ADAP2: variants seen among roughly 807,000 people sequenced by gnomAD.
ADAP2 encodes ArfGAP with dual PH domains 2, also known as arf-GAP with dual PH domain-containing protein 2.
ADAP2 carries 42 observed loss-of-function variants against 54.9 expected under a neutral mutation model. The ratio of observed to expected loss-of-function variants is 0.77; its 90% CI spans 0.60 to 0.99. The LOEUF (loss-of-function observed/expected upper bound fraction) is 0.99, where lower values mean the gene tolerates loss of function less well. Ranked by LOEUF, ADAP2 falls within the 50% of genes least tolerant of loss-of-function variation. The pLI, the probability that ADAP2 is intolerant of heterozygous loss-of-function variation, is 0.00. For missense variants in ADAP2, 429 were observed against 480.4 expected (o/e 0.89, Z 1.00); for synonymous variants, 177 against 180.1 (o/e 0.98, Z 0.14).
intron 1 of ADAP2, among the ~76,000 whole-genome samples, 153 bp downstream of exon 1, chr17:30,922,261 C>G (rs999637554): frequency 7.5e-6 from 1 of 133,362 alleles, no homozygotes; most frequent in East Asian, 2.5e-4. Context: ...ACACCGTGAA[C>G]CTCTCACCCG....
At chr17:30,953,148 A>G (rs2142590693) in intron 7 of ADAP2, 140 bp from the exon 8 acceptor site, 7 of 699,832 alleles carry the variant, frequency 1.0e-5, no homozygotes, top group African/African-American at 3.6e-5. Flanking sequence ...TGACCATTGC[A>G]CTTTCCAAAT....
chr17:30,938,192 G>T (rs1204770493), intron 5 of ADAP2, among the ~76,000 whole-genome samples: 1 of 152,208 alleles, frequency 6.6e-6, no homozygotes, highest in Non-Finnish European at 1.5e-5. Flanking sequence ...CGGCTGTTCT[G>T]GTGTACTCCA....
chr17:30,929,148 C>T (rs550227651), intron 3 of ADAP2, among the ~76,000 whole-genome samples: 8 of 152,324 alleles, frequency 5.3e-5, no homozygotes, highest in African/African-American at 1.9e-4. Flanking sequence ...TGTGACCTAG[C>T]TGGGAGGACG....
At chr17:30,941,788 G>A (rs1330484424) in intron 5 of ADAP2, among the ~76,000 whole-genome samples, 1 of 152,162 alleles carries the variant, frequency 6.6e-6, no homozygotes, top group Non-Finnish European at 1.5e-5. Context: ...GTTGGAATGG[G>A]GTAGAGATTC....
chr17:30,954,639 A>G, intron 9 of ADAP2, 84 bp downstream of exon 9: 1 of 1,165,364 alleles, frequency 8.6e-7, no homozygotes, highest in Non-Finnish European at 1.3e-6. Flanking sequence ...AAAGCTACAG[A>G]TAAACACATC....
intron 1 of ADAP2, 124 bp from the exon 2 acceptor site, chr17:30,922,816 G>C: frequency 1.7e-6 from 2 of 1,150,292 alleles, no homozygotes; most frequent in Non-Finnish European, 2.5e-6. Flanking sequence ...AAGGTGCCAG[G>C]CTGGCCGCTT....
chr17:30,932,736 A>T (rs1911589913), intron 4 of ADAP2, among the ~76,000 whole-genome samples: 1 of 148,072 alleles, frequency 6.8e-6, no homozygotes, highest in Non-Finnish European at 1.5e-5. Flanking sequence ...TGCTTGGCTA[A>T]TTTTTGTATT....
At chr17:30,929,854 G>A (rs1225502269) in intron 3 of ADAP2, among the ~76,000 whole-genome samples, 1 of 151,986 alleles carries the variant, frequency 6.6e-6, no homozygotes, top group Admixed American at 6.6e-5. Context: ...ATGCCACCAT[G>A]CCTGGTTAAT....
At chr17:30,952,520 C>T (rs536146567) in intron 7 of ADAP2, among the ~76,000 whole-genome samples, 3 of 152,228 alleles carry the variant, frequency 2.0e-5, no homozygotes, top group South Asian at 2.1e-4. Flanking sequence ...GGATTACAAG[C>T]GCGTGCCACC....
intron 5 of ADAP2, 77 bp from the exon 6 acceptor site, chr17:30,944,830 A>C (rs1912535079): frequency 7.1e-7 from 1 of 1,413,412 alleles, no homozygotes; most frequent in Non-Finnish European, 9.7e-7. Flanking sequence ...GCTTGTTTGC[A>C]TGAAGGCCTT....
intron 3 of ADAP2, among the ~76,000 whole-genome samples, chr17:30,929,978 A>T (rs555292422): frequency 6.6e-6 from 1 of 152,038 alleles, no homozygotes; most frequent in Non-Finnish European, 1.5e-5. Context: ...TGGCCTCCCA[A>T]AGTGCTGGGA....
At chr17:30,934,328 C>T (rs954546701) in intron 5 of ADAP2, 31 bp downstream of exon 5, 5 of 1,484,436 alleles carry the variant, frequency 3.4e-6, no homozygotes, top group Admixed American at 3.5e-5. Flanking sequence ...GAGCAGGTCC[C>T]TTCCTGAGCA....
intron 5 of ADAP2, among the ~76,000 whole-genome samples, chr17:30,937,998 C>T (rs534718933): frequency 3.3e-5 from 5 of 152,244 alleles, no homozygotes; most frequent in African/African-American, 1.2e-4. Flanking sequence ...GAACTGGAGT[C>T]GTCAGCATGT....
At chr17:30,929,827 G>A (rs1911341924) in intron 3 of ADAP2, among the ~76,000 whole-genome samples, 1 of 152,124 alleles carries the variant, frequency 6.6e-6, no homozygotes, top group Non-Finnish European at 1.5e-5. Context: ...CTCCCAAGTA[G>A]CTGGAACTAC....
At chr17:30,948,407 A>AC (rs900064810) in intron 6 of ADAP2, among the ~76,000 whole-genome samples, 39 of 135,128 alleles carry the variant, frequency 2.9e-4, no homozygotes, top group African/African-American at 9.8e-4. Flanking sequence ...TACTAAAAAT[A>AC]CAAAAAAAAA....
intron 7 of ADAP2, among the ~76,000 whole-genome samples, chr17:30,953,074 G>A (rs548853111): frequency 6.6e-6 from 1 of 152,260 alleles, no homozygotes; most frequent in African/African-American, 2.4e-5. Context: ...AAACTCGGCC[G>A]TGCCACTAAG....
intron 3 of ADAP2, 51 bp downstream of exon 3, chr17:30,926,969 C>A: frequency 7.4e-7 from 1 of 1,357,806 alleles, no homozygotes; most frequent in Non-Finnish European, 1.1e-6. Context: ...CCTGGTTCCA[C>A]CTCCTCCCCC....
intron 9 of ADAP2, 67 bp from the exon 10 acceptor site, chr17:30,956,174 T>A: frequency 6.9e-7 from 1 of 1,441,662 alleles, no homozygotes; most frequent in Non-Finnish European, 9.7e-7. Context: ...GCTTGGAGGC[T>A]GTCAGGGCTG....
Position 30,956,464 on chromosome 17 carries a change from G to A in ADAP2, c.1106G>A (p.Arg369Gln), listed in dbSNP as rs754682749. 1.1e-5 allele frequency: 17 copies of A among 1,613,942 alleles called. No homozygotes were observed. Among genetic ancestry groups the A allele is most frequent in the South Asian group, 2.2e-5 (2 of 91,078 alleles). ...TCCAGCCCCTTGACGCCCCTCAACC[G>A]GCTTAGTAAGAAGCAGGAACTGAGG... ...VLSSPLTPLNRLTASTESGRS... is the reference protein window; with the variant it reads ...VLSSPLTPLNQLTASTESGRS... The change falls in exon 10 of 11, where the codon CGG (arginine) becomes CAG (glutamine). Residue 369 changes from arginine (R) to glutamine (Q), a missense_variant. Physicochemically the swap from Arg to Gln is conservative, Grantham distance 43. Coordinates refer to ENST00000330889, the MANE Select transcript of ADAP2 (RefSeq NM_018404.3).
Sources: gnomAD v4.1 joint callset for allele counts (sites outside exome capture counted in the v4.1 genomes callset) on GRCh38, gnomAD v4.1.1 for gene constraint, MANE v1.5 for transcripts, NCBI Gene and HGNC (gene_info 2026-07-23, HGNC 2026-07-21) for gene names.